AGBL1: variants seen among roughly 807,000 people sequenced by gnomAD.
AGBL1 encodes cytosolic carboxypeptidase 4.
A neutral mutation model predicts 118.9 loss-of-function variants in AGBL1; 130 were observed. The ratio of observed to expected loss-of-function variants is 1.09; its 90% CI spans 0.95 to 1.26. AGBL1 has a LOEUF of 1.26. Ranked by LOEUF, AGBL1 falls within the 50% of genes most tolerant of loss-of-function variation. The pLI, the probability that AGBL1 is intolerant of heterozygous loss-of-function variation, is 0.00. For missense variants in AGBL1, 1,584 were observed against 1,298.1 expected, an observed-to-expected ratio of 1.22 and a Z score of -3.38; for synonymous variants, 555 against 478.9, an observed-to-expected ratio of 1.16 and a Z score of -2.08.
At chr15:86,568,456 C>T (rs2083950956) in intron 21 of AGBL1, among the ~76,000 whole-genome samples, 1 of 152,152 alleles carries the variant, frequency 6.6e-6, no homozygotes, top group Admixed American at 6.5e-5. Context: ...CTCAGAAGTG[C>T]TTGGCTTGAC....
intron 22 of AGBL1, among the ~76,000 whole-genome samples, chr15:86,856,388 G>GA (rs1194622243): frequency 2.0e-5 from 3 of 151,994 alleles, no homozygotes; most frequent in Non-Finnish European, 4.4e-5. Context: ...AGATAAAATG[G>GA]AAAAAAACCT....
At chr15:87,001,467 T>C (rs2081436686) in intron 24 of AGBL1, among the ~76,000 whole-genome samples, 1 of 152,082 alleles carries the variant, frequency 6.6e-6, no homozygotes, top group Non-Finnish European at 1.5e-5. Context: ...TATAGTAGCA[T>C]GATTTGTATT....
intron 21 of AGBL1, among the ~76,000 whole-genome samples, chr15:86,595,808 A>G (rs2084397590): frequency 6.6e-6 from 1 of 152,074 alleles, no homozygotes. Flanking sequence ...GTTTTTATGG[A>G]TAATTTGATG....
chr15:86,493,936 C>T (rs1412754895), intron 18 of AGBL1, among the ~76,000 whole-genome samples: 1 of 151,962 alleles, frequency 6.6e-6, no homozygotes, highest in Non-Finnish European at 1.5e-5. Flanking sequence ...TCACTCTATC[C>T]TTCCATTCTC....
At chr15:86,093,940 T>C (rs1197381854) in intron 1 of AGBL1, among the ~76,000 whole-genome samples, 2 of 152,202 alleles carry the variant, frequency 1.3e-5, no homozygotes, top group Non-Finnish European at 2.9e-5. Context: ...TTCCCTGAAA[T>C]ACTGCCTTTA....
At chr15:86,825,918 TAGATAGATAGATAGATAGAC>T (rs1272779067) in intron 22 of AGBL1, among the ~76,000 whole-genome samples, 1 of 115,084 alleles carries the variant, frequency 8.7e-6, no homozygotes, top group East Asian at 2.7e-4. Context: ...GATAGATAGA[TAGATAGATAGATAGATAGAC>T]AGATGAGATA....
chr15:86,714,527 C>A (rs2086608711), intron 22 of AGBL1, among the ~76,000 whole-genome samples: 1 of 152,098 alleles, frequency 6.6e-6, no homozygotes, highest in South Asian at 2.1e-4. Context: ...TGGTATGAGA[C>A]ATCATGGAGT....
chr15:87,025,860 T>C (rs923308919), intron 24 of AGBL1, among the ~76,000 whole-genome samples: 9 of 151,744 alleles, frequency 5.9e-5, no homozygotes, highest in Non-Finnish European at 8.8e-5. Flanking sequence ...CCCAAATACT[T>C]ACAACTAACT....
intron 17 of AGBL1, among the ~76,000 whole-genome samples, chr15:86,326,011 A>T (rs942511674): frequency 6.6e-6 from 1 of 152,186 alleles, no homozygotes; most frequent in Non-Finnish European, 1.5e-5. Flanking sequence ...ATGATCATGT[A>T]AGTCTTTAAT....
At chr15:86,657,975 C>T (rs1345372961) in intron 21 of AGBL1, among the ~76,000 whole-genome samples, 2 of 151,692 alleles carry the variant, frequency 1.3e-5, no homozygotes, top group African/African-American at 4.8e-5. Flanking sequence ...TCAAACTCAT[C>T]ATTAGGACTG....
At chr15:86,946,087 A>G (rs2080816997) in intron 23 of AGBL1, 1 of 152,078 alleles carries the variant, frequency 6.6e-6, no homozygotes, top group African/African-American at 2.4e-5. Flanking sequence ...GAGAATTATA[A>G]CTCACATCTC....
intron 22 of AGBL1, among the ~76,000 whole-genome samples, chr15:86,781,769 T>G (rs573205701): frequency 6.6e-6 from 1 of 152,310 alleles, no homozygotes; most frequent in South Asian, 2.1e-4. Context: ...TTGAGGCTTA[T>G]GAGACTGGAA....
intron 1 of AGBL1, among the ~76,000 whole-genome samples, chr15:86,097,237 C>T (rs1295519579): frequency 6.6e-6 from 1 of 152,032 alleles, no homozygotes; most frequent in African/African-American, 2.4e-5. Flanking sequence ...TATTTTGTTA[C>T]ATATATAGAA....
chr15:86,452,196 T>C (rs4366685), intron 18 of AGBL1, among the ~76,000 whole-genome samples: 81,964 of 151,996 alleles, frequency 0.54, 22,958 homozygotes, highest in East Asian at 0.82. Flanking sequence ...TAGGCATGCT[T>C]TGTGTGTCTA....
At chr15:86,809,297 C>G (rs2078758469) in intron 22 of AGBL1, among the ~76,000 whole-genome samples, 1 of 152,090 alleles carries the variant, frequency 6.6e-6, no homozygotes, top group South Asian at 2.1e-4. Context: ...CTACCAAAGT[C>G]TTCCCCAGAC....
At chr15:86,660,541 A>G (rs76959168) in intron 21 of AGBL1, among the ~76,000 whole-genome samples, 1,810 of 152,238 alleles carry the variant, frequency 0.012, 25 homozygotes, top group East Asian at 0.076. Flanking sequence ...TAATTGTATT[A>G]CTAATCCAAT....
intron 21 of AGBL1, among the ~76,000 whole-genome samples, chr15:86,596,561 A>G (rs563823972): frequency 1.8e-4 from 27 of 152,202 alleles, no homozygotes; most frequent in Non-Finnish European, 2.9e-4. Context: ...GTTTTCTGCA[A>G]TTCCTGGAAA....
chr15:86,200,125 A>G (rs1400055830), intron 5 of AGBL1, among the ~76,000 whole-genome samples: 1 of 152,238 alleles, frequency 6.6e-6, no homozygotes, highest in Non-Finnish European at 1.5e-5. Flanking sequence ...TTGAAGGTCC[A>G]GAGCTGTATT....
At chr15:86,630,182 T>C (rs894885945) in intron 21 of AGBL1, 3 of 152,404 alleles carry the variant, frequency 2.0e-5, no homozygotes, top group Admixed American at 6.5e-5. Flanking sequence ...ACAAGGTTAA[T>C]GACTGTGTTT....
Sources: gnomAD v4.1 joint callset for allele counts (sites outside exome capture counted in the v4.1 genomes callset) on GRCh38, gnomAD v4.1.1 for gene constraint, MANE v1.5 for transcripts, NCBI Gene and HGNC (gene_info 2026-07-23, HGNC 2026-07-21) for gene names.